The following MGAT4C variants were observed in gnomAD, a reference collection of about 807,000 sequenced individuals.
The protein encoded by MGAT4C is alpha-1,3-mannosyl-glycoprotein 4-beta-N-acetylglucosaminyltransferase C.
In MGAT4C, 19 loss-of-function variants were observed where a neutral mutation model predicts 40.1. The ratio of observed to expected loss-of-function variants is 0.47; its 90% CI spans 0.33 to 0.70. The LOEUF is 0.70. MGAT4C is among the 30% of genes least tolerant of loss of function. MGAT4C has a pLI of 0.02. For missense variants in MGAT4C, 491 were observed against 563.2 expected, an observed-to-expected ratio of 0.87 and a Z score of 1.30; for synonymous variants, 181 against 187.1, an observed-to-expected ratio of 0.97 and a Z score of 0.27.
At position 86,240,026 on chromosome 12, in the gene MGAT4C, TAA is replaced by T. The variant is rs1287336143; in HGVS notation, c.-57+16211_-57+16212del. On this transcript the variant is annotated intron_variant, in intron 1 of 4. Transcript: ENST00000611864. ...ACGTACCCTAAAACTTAGAGTATAA[TAA>T]AAAAAAAAAATAAAAAATAAAATAA... 4.3e-5 allele frequency among the ~76,000 whole-genome samples: 3 copies of T among 69,732 alleles called. No homozygotes were observed. The Admixed American group carries it at 5.2e-4, about 12-fold the overall frequency. The allele number at this position is 69,732 out of a possible 152,430, so 45.7% of individuals were successfully genotyped here. A position where few individuals can be genotyped will look rare whatever the true frequency, so the allele number is the denominator to read the frequency against.
At chr12:86,390,580 A>G (rs1956144830) in intron 3 of MGAT4C, among the ~76,000 whole-genome samples, 1 of 152,218 alleles carries the variant, frequency 6.6e-6, no homozygotes, top group Admixed American at 6.5e-5. Context: ...GAAGAAACTT[A>G]AAATCATACT....
chr12:86,444,479 A>T (rs543981560), intron 2 of MGAT4C, among the ~76,000 whole-genome samples: 37 of 152,074 alleles, frequency 2.4e-4, no homozygotes, highest in African/African-American at 7.2e-4. Context: ...ACCTTTTTCC[A>T]CTGTGCTTTA....
At chr12:86,370,972 T>C (rs922126768) in intron 3 of MGAT4C, among the ~76,000 whole-genome samples, 12 of 151,982 alleles carry the variant, frequency 7.9e-5, no homozygotes, top group Admixed American at 6.6e-4. Flanking sequence ...TATGCATAGG[T>C]TGCTATATGT....
intron 3 of MGAT4C, among the ~76,000 whole-genome samples, chr12:86,351,118 A>G (rs547566474): frequency 6.6e-6 from 1 of 152,100 alleles, no homozygotes; most frequent in East Asian, 1.9e-4. Flanking sequence ...CAAGTACAAT[A>G]CTTTCATTTC....
intron 3 of MGAT4C, among the ~76,000 whole-genome samples, chr12:86,338,465 C>T (rs1437117789): frequency 6.6e-6 from 1 of 152,148 alleles, no homozygotes; most frequent in African/African-American, 2.4e-5. Context: ...TTTCTTAGTC[C>T]TACAAAGGCA....
intron 2 of MGAT4C, among the ~76,000 whole-genome samples, chr12:86,472,030 A>C (rs1401444110): frequency 2.0e-5 from 3 of 152,108 alleles, no homozygotes; most frequent in Non-Finnish European, 4.4e-5. Context: ...ATGGCAAAGT[A>C]TTTTCCTAAA....
chr12:86,687,255 C>G (rs768386097), intron 2 of MGAT4C, among the ~76,000 whole-genome samples: 1 of 151,976 alleles, frequency 6.6e-6, no homozygotes, highest in Non-Finnish European at 1.5e-5. Flanking sequence ...GGCTAGTGGT[C>G]CACCTACTTT....
At chr12:86,435,942 A>C (rs1957128903) in intron 2 of MGAT4C, among the ~76,000 whole-genome samples, 1 of 151,894 alleles carries the variant, frequency 6.6e-6, no homozygotes, top group South Asian at 2.1e-4. Context: ...TATAACTACA[A>C]GTGGCATATT....
At chr12:86,597,061 A>G (rs1961567070) in intron 2 of MGAT4C, among the ~76,000 whole-genome samples, 1 of 152,212 alleles carries the variant, frequency 6.6e-6, no homozygotes, top group Non-Finnish European at 1.5e-5. Flanking sequence ...TAAAGTTTTC[A>G]GTTTATTTTA....
At chr12:86,592,350 T>C (rs1256835726) in intron 2 of MGAT4C, among the ~76,000 whole-genome samples, 1 of 152,126 alleles carries the variant, frequency 6.6e-6, no homozygotes, top group Non-Finnish European at 1.5e-5. Context: ...TTTGGCCCCA[T>C]TGAGACTCAG....
chr12:86,302,211 T>G (rs932762147), intron 4 of MGAT4C, among the ~76,000 whole-genome samples: 2 of 150,918 alleles, frequency 1.3e-5, no homozygotes, highest in Admixed American at 1.3e-4. Flanking sequence ...TAAAGATTCT[T>G]TAGCATACTT....
At position 86,605,934 on chromosome 12, in the gene MGAT4C, G is replaced by T. The variant is rs550799776; in HGVS notation, c.-229+121275C>A. ...GCCTGACACTGGGTAATTTGTAAAG[G>T]AAAGAAGTTTAATTGACTCACTGTT... On this transcript the variant is annotated intron_variant, in intron 2 of 7. Transcript: ENST00000548651. 2.1e-4 allele frequency among the ~76,000 whole-genome samples: 32 copies of T among 152,238 alleles called. No individual in the cohort carries two copies. The East Asian group carries it at 2.5e-3, about 12-fold the overall frequency.
At chr12:86,725,916 A>T (rs552409068) in intron 2 of MGAT4C, among the ~76,000 whole-genome samples, 1 of 152,292 alleles carries the variant, frequency 6.6e-6, no homozygotes, top group African/African-American at 2.4e-5. Flanking sequence ...TTATGGTTGC[A>T]TTTTTCCTAG....
chr12:86,592,175 T>C (rs1416789422), intron 2 of MGAT4C, among the ~76,000 whole-genome samples: 1 of 152,134 alleles, frequency 6.6e-6, no homozygotes, highest in East Asian at 1.9e-4. Context: ...AGAAGTTGAT[T>C]GAACCAAATC....
chr12:86,476,150 C>T (rs989170349), intron 2 of MGAT4C, among the ~76,000 whole-genome samples: 3 of 151,914 alleles, frequency 2.0e-5, no homozygotes, highest in East Asian at 1.9e-4. Context: ...TTATACATTA[C>T]GTAAAAATGT....
At chr12:86,621,332 A>T (rs1376853938) in intron 2 of MGAT4C, among the ~76,000 whole-genome samples, 1 of 152,182 alleles carries the variant, frequency 6.6e-6, no homozygotes, top group Admixed American at 6.5e-5. Context: ...GTTTTTGCAT[A>T]TTGAAACAAA....
chr12:86,653,497 C>T (rs965233730), intron 2 of MGAT4C, among the ~76,000 whole-genome samples: 6 of 151,882 alleles, frequency 4.0e-5, no homozygotes, highest in Non-Finnish European at 8.8e-5. Context: ...TATCCGAATG[C>T]TCATACCTAG....
At chr12:86,197,312 T>C (rs1214858660) in intron 1 of MGAT4C, among the ~76,000 whole-genome samples, 1 of 152,246 alleles carries the variant, frequency 6.6e-6, no homozygotes, top group African/African-American at 2.4e-5. Flanking sequence ...TATTTATCTG[T>C]ATATATGTAT....
At chr12:86,635,967 C>A (rs1046857808) in intron 2 of MGAT4C, among the ~76,000 whole-genome samples, 1 of 151,922 alleles carries the variant, frequency 6.6e-6, no homozygotes, top group African/African-American at 2.4e-5. Context: ...CAGGAGTGAG[C>A]CACCATACCC....
Sources: gnomAD v4.1 joint callset for allele counts (sites outside exome capture counted in the v4.1 genomes callset) on GRCh38, gnomAD v4.1.1 for gene constraint, MANE v1.5 for transcripts, NCBI Gene and HGNC (gene_info 2026-07-23, HGNC 2026-07-21) for gene names.